Variants in CAST observed in about 807,000 individuals in gnomAD.
The protein encoded by CAST is MIR583 host.
A neutral mutation model predicts 119.6 loss-of-function variants in CAST; 76 were observed. The observed-to-expected ratio is 0.64, with a 90% CI of 0.53 to 0.77. The LOEUF is 0.77. Among genes scored for constraint, CAST ranks in the 30% least tolerant of loss-of-function variants. The pLI, the probability that CAST is intolerant of heterozygous loss-of-function variation, is 0.00. For synonymous variants in CAST, 319 were observed against 331.6 expected (o/e 0.96, Z 0.41); for missense variants, 953 against 946.5 (o/e 1.01, Z -0.09).
intron 4 of CAST, among the ~76,000 whole-genome samples, chr5:96,723,136 G>T (rs1420054283): frequency 6.6e-6 from 1 of 151,922 alleles, no homozygotes; most frequent in Non-Finnish European, 1.5e-5. Context: ...TTGTTTGTTT[G>T]TTTGTTTTTG....
chr5:96,599,973 A>AAAAAGAAAG (rs1554070018), intron 1 of CAST, among the ~76,000 whole-genome samples: 2 of 90,084 alleles, frequency 2.2e-5, no homozygotes, highest in Non-Finnish European at 6.2e-5. Flanking sequence ...AGGCAAAAAA[A>AAAAAGAAAG]AAAAAAAAAA....
chr5:96,255,819 T>A, the CAST span, among the ~76,000 whole-genome samples: 1,077 of 152,272 alleles, frequency 7.1e-3, 11 homozygotes, highest in African/African-American at 0.025. Flanking sequence ...TAATTAAGGC[T>A]GTACTTTAGT....
chr5:96,086,198 T>G, the CAST span, among the ~76,000 whole-genome samples: 1 of 151,896 alleles, frequency 6.6e-6, no homozygotes, highest in Non-Finnish European at 1.5e-5. Flanking sequence ...TATTATTGGT[T>G]TTTATTTTAT....
the CAST span, among the ~76,000 whole-genome samples, chr5:96,347,706 A>C: frequency 6.6e-6 from 1 of 152,292 alleles, no homozygotes; most frequent in Non-Finnish European, 1.5e-5. Context: ...CAAGTTCCTA[A>C]GAGTCATCCC....
the CAST span, among the ~76,000 whole-genome samples, chr5:96,086,227 T>A: frequency 6.6e-6 from 1 of 152,322 alleles, no homozygotes; most frequent in East Asian, 1.9e-4. Flanking sequence ...CTTTTAGATC[T>A]GTAGTTGGAT....
At chr5:96,248,657 C>A in the CAST span, among the ~76,000 whole-genome samples, 27 of 152,296 alleles carry the variant, frequency 1.8e-4, no homozygotes, top group South Asian at 2.1e-4. Flanking sequence ...ATTAGGCAGT[C>A]ATTTCAGCTT....
the CAST span, among the ~76,000 whole-genome samples, chr5:96,428,369 T>C: frequency 6.6e-6 from 1 of 152,192 alleles, no homozygotes; most frequent in Non-Finnish European, 1.5e-5. Context: ...TACACAGATA[T>C]CAGGCGAATC....
intron 1 of CAST, among the ~76,000 whole-genome samples, chr5:96,548,772 AAAAC>A (rs1471637314): frequency 6.6e-6 from 1 of 152,228 alleles, no homozygotes; most frequent in African/African-American, 2.4e-5. Flanking sequence ...GATTTAGCCA[AAAAC>A]AAACAAACAA....
intron 3 of CAST, among the ~76,000 whole-genome samples, chr5:96,708,164 A>G (rs935864659): frequency 6.6e-6 from 1 of 152,212 alleles, no homozygotes; most frequent in Non-Finnish European, 1.5e-5. Flanking sequence ...ACAGTGCCTC[A>G]TATGCTTTTA....
intron 1 of CAST, among the ~76,000 whole-genome samples, chr5:96,643,948 C>T (rs1027188454): frequency 6.6e-6 from 1 of 151,754 alleles, no homozygotes; most frequent in Admixed American, 6.6e-5. Flanking sequence ...ACTCAGGAGA[C>T]TGAGGCAGAA....
the CAST span, among the ~76,000 whole-genome samples, chr5:96,350,310 G>A: frequency 2.6e-5 from 4 of 152,112 alleles, no homozygotes; most frequent in East Asian, 1.9e-4. Flanking sequence ...CACAATTTAC[G>A]TATGAGAAGG....
chr5:96,251,754 T>C, the CAST span, among the ~76,000 whole-genome samples: 16 of 152,250 alleles, frequency 1.1e-4, no homozygotes, highest in South Asian at 2.1e-4. Flanking sequence ...CTAAGTCTTA[T>C]GAGTACAGGT....
At chr5:96,333,517 C>T in the CAST span, among the ~76,000 whole-genome samples, 6 of 152,138 alleles carry the variant, frequency 3.9e-5, no homozygotes, top group African/African-American at 7.2e-5. Context: ...TTGGTCTTCC[C>T]GACTGAAACC....
At chr5:96,633,132 C>A (rs183888759) in intron 1 of CAST, among the ~76,000 whole-genome samples, 2 of 151,844 alleles carry the variant, frequency 1.3e-5, no homozygotes, top group South Asian at 4.2e-4. Flanking sequence ...CCACCATGCC[C>A]GGCTAATTTT....
the CAST span, among the ~76,000 whole-genome samples, chr5:96,510,060 A>T: frequency 1.2e-4 from 18 of 152,192 alleles, no homozygotes; most frequent in Non-Finnish European, 2.2e-4. Context: ...ATACTATTGA[A>T]TTTTTTTAAC....
the CAST span, among the ~76,000 whole-genome samples, chr5:96,458,774 T>G: frequency 6.6e-6 from 1 of 152,128 alleles, no homozygotes; most frequent in African/African-American, 2.4e-5. Context: ...TTAATTCTTT[T>G]TTAGTATTAT....
At chr5:96,469,269 TATC>T in the CAST span, among the ~76,000 whole-genome samples, 1 of 152,124 alleles carries the variant, frequency 6.6e-6, no homozygotes, top group African/African-American at 2.4e-5. Context: ...TTGTTCTCAA[TATC>T]ATCATGTAGC....
chr5:96,700,726 G>T (rs758667456), intron 3 of CAST, among the ~76,000 whole-genome samples: 1 of 151,876 alleles, frequency 6.6e-6, no homozygotes, highest in Non-Finnish European at 1.5e-5. Flanking sequence ...TCGCCGGGGT[G>T]GGGGAAGAGC....
At chr5:96,731,463 A>G (rs1039227869) in intron 9 of CAST, among the ~76,000 whole-genome samples, 6 of 117,354 alleles carry the variant, frequency 5.1e-5, no homozygotes, top group Non-Finnish European at 9.0e-5. Context: ...TTTTTACCTT[A>G]TCCTTTAAGG....
Sources: gnomAD v4.1 joint callset for allele counts (sites outside exome capture counted in the v4.1 genomes callset) on GRCh38, gnomAD v4.1.1 for gene constraint, MANE v1.5 for transcripts, NCBI Gene and HGNC (gene_info 2026-07-23, HGNC 2026-07-21) for gene names.